Variants in AOAH observed in about 807,000 individuals in gnomAD.
AOAH encodes acyloxyacyl hydrolase.
A neutral mutation model predicts 92.2 loss-of-function variants in AOAH; 64 were observed. That is an observed-to-expected ratio of 0.69 (90% CI 0.57 to 0.86). The LOEUF (loss-of-function observed/expected upper bound fraction) is 0.86, where lower values mean the gene tolerates loss of function less well. AOAH is among the 40% of genes least tolerant of loss of function. The probability of loss-of-function intolerance (pLI) is 0.00; values close to 1 mark genes in which losing one functional copy is unlikely to be tolerated. For missense variants in AOAH, 656 were observed against 694.6 expected (o/e 0.94, Z 0.62); for synonymous variants, 263 against 254.5 (o/e 1.03, Z -0.32).
chr7:36,574,467 T>A (rs1164064024), intron 13 of AOAH, among the ~76,000 whole-genome samples: 1 of 152,212 alleles, frequency 6.6e-6, no homozygotes, highest in Non-Finnish European at 1.5e-5. Context: ...TTTTGGATTA[T>A]CTTACTCTGG....
chr7:36,620,017 G>T (rs868561351), intron 9 of AOAH, among the ~76,000 whole-genome samples: 2 of 152,118 alleles, frequency 1.3e-5, no homozygotes, highest in Middle Eastern at 6.8e-3. Context: ...GGAGAGGGGA[G>T]GCCAGAACAT....
At chr7:36,607,813 G>A (rs1190489556) in intron 11 of AOAH, among the ~76,000 whole-genome samples, 1 of 152,186 alleles carries the variant, frequency 6.6e-6, no homozygotes, top group Non-Finnish European at 1.5e-5. Flanking sequence ...GGAGGGAGAA[G>A]AGGTACAGTC....
At chr7:36,656,878 G>GC (rs1554306766) in intron 4 of AOAH, among the ~76,000 whole-genome samples, 4 of 58,326 alleles carry the variant, frequency 6.9e-5, no homozygotes, top group South Asian at 3.9e-4. Flanking sequence ...AAAGAGGTTT[G>GC]GTGGGGGGTG....
chr7:36,633,466 T>G (rs1793284432), intron 5 of AOAH, among the ~76,000 whole-genome samples: 1 of 152,024 alleles, frequency 6.6e-6, no homozygotes, highest in Non-Finnish European at 1.5e-5. Context: ...TTTAACAACG[T>G]CCCCAGGATG....
rs954462490 is a variant in AOAH at position 36,513,026 on chromosome 7, G to A, written c.*226C>T. 6.5e-7 allele frequency: 1 copy of A among 1,533,436 alleles called. No individual in the cohort carries two copies. The highest frequency in any genetic ancestry group is 1.4e-5 in the African/African-American group (1 of 72,970). 95.0% of individuals were successfully genotyped at this position (1,533,436 alleles called of 1,614,324 possible). A position where few individuals can be genotyped will look rare whatever the true frequency, so the allele number is the denominator to read the frequency against. ...TGGAATGGCACCCAAAGCACTTTATGAAAGGTTATTTCAGGAACAGCGGAA... is the reference window on the plus strand; with the variant it reads ...TGGAATGGCACCCAAAGCACTTTATAAAAGGTTATTTCAGGAACAGCGGAA... On this transcript the variant is annotated 3_prime_UTR_variant, in exon 21 of 21. Transcript: ENST00000617537.
At chr7:36,538,211 A>G (rs1363095201) in intron 16 of AOAH, among the ~76,000 whole-genome samples, 1 of 151,736 alleles carries the variant, frequency 6.6e-6, no homozygotes, top group Non-Finnish European at 1.5e-5. Context: ...TATTTTTAGA[A>G]GAGACGAGGT....
At position 36,616,298 on chromosome 7, in the gene AOAH, T is replaced by C. The variant is rs557828073; in HGVS notation, c.846+82A>G. 40 of 1,107,136 alleles carry C rather than the reference T, an allele frequency of 3.6e-5. No individual in the cohort carries two copies. The East Asian group carries it at 7.0e-4, about 19-fold the overall frequency. The allele number at this position is 1,107,136 out of a possible 1,614,324, so 68.6% of individuals were successfully genotyped here. Reference sequence around the variant, plus strand: ...GAGGGAAATTTGCACCTGTGTGGAGTTGGCATCCCATTTAGAGAGAGCAAG... The same window carrying C: ...GAGGGAAATTTGCACCTGTGTGGAGCTGGCATCCCATTTAGAGAGAGCAAG... On this transcript the variant is annotated intron_variant, in intron 11 of 20. Transcript: ENST00000617537.
At chr7:36,605,048 T>A (rs138697487) in intron 11 of AOAH, among the ~76,000 whole-genome samples, 1 of 152,294 alleles carries the variant, frequency 6.6e-6, no homozygotes, top group Non-Finnish European at 1.5e-5. Flanking sequence ...AATTAGGTCA[T>A]CACTAATGAC....
At chr7:36,549,357 G>T in intron 14 of AOAH, 82 bp downstream of exon 14, 2 of 1,061,952 alleles carry the variant, frequency 1.9e-6, no homozygotes, top group South Asian at 2.6e-5. Context: ...CAGTAAAAAT[G>T]ATTATGGGGT....
intron 1 of AOAH, among the ~76,000 whole-genome samples, chr7:36,710,889 G>C (rs1798725915): frequency 1.0e-5 from 1 of 99,588 alleles, no homozygotes; most frequent in African/African-American, 3.3e-5. Flanking sequence ...TCCTTGCTAT[G>C]TACCAAGCAC....
At chr7:36,679,298 A>ATG (rs2116707405) in intron 2 of AOAH, among the ~76,000 whole-genome samples, 1 of 151,108 alleles carries the variant, frequency 6.6e-6, no homozygotes, top group East Asian at 1.9e-4. Context: ...ATATATATAT[A>ATG]AAAAATAAAA....
intron 12 of AOAH, among the ~76,000 whole-genome samples, chr7:36,580,269 T>C (rs1290037824): frequency 6.6e-6 from 1 of 152,226 alleles, no homozygotes; most frequent in Non-Finnish European, 1.5e-5. Context: ...CCTATTTTCA[T>C]GTCATGGACC....
chr7:36,565,392 C>A (rs1210990773), intron 13 of AOAH, among the ~76,000 whole-genome samples: 1 of 152,220 alleles, frequency 6.6e-6, no homozygotes, highest in East Asian at 1.9e-4. Flanking sequence ...AAGGTGACTT[C>A]TTTGCTTCTT....
chr7:36,653,318 GT>G (rs1319331660), intron 4 of AOAH, among the ~76,000 whole-genome samples: 1 of 152,180 alleles, frequency 6.6e-6, no homozygotes, highest in Non-Finnish European at 1.5e-5. Context: ...ACCTGAGACA[GT>G]CTACTAAAAG....
chr7:36,649,079 C>T (rs556368543), intron 4 of AOAH, among the ~76,000 whole-genome samples: 3 of 152,270 alleles, frequency 2.0e-5, no homozygotes, highest in Non-Finnish European at 4.4e-5. Context: ...AATCAGTTGT[C>T]GTTGCCTTTT....
chr7:36,648,885 T>C (rs1462322268), intron 4 of AOAH, among the ~76,000 whole-genome samples: 1 of 152,218 alleles, frequency 6.6e-6, no homozygotes, highest in Non-Finnish European at 1.5e-5. Context: ...ATTTATCTCA[T>C]TGTTCATAAT....
At chr7:36,672,263 T>A (rs1795982436) in intron 3 of AOAH, among the ~76,000 whole-genome samples, 1 of 152,204 alleles carries the variant, frequency 6.6e-6, no homozygotes, top group Non-Finnish European at 1.5e-5. Context: ...TGTTGTAGAC[T>A]CTAGGCTACC....
At chr7:36,631,983 G>C in intron 6 of AOAH, 53 bp downstream of exon 6, 1 of 1,411,108 alleles carries the variant, frequency 7.1e-7, no homozygotes, top group Non-Finnish European at 9.8e-7. Context: ...AGGGGGACAA[G>C]CAAAGACGTT....
At chr7:36,714,384 A>T (rs1004288478) in intron 1 of AOAH, among the ~76,000 whole-genome samples, 5 of 152,234 alleles carry the variant, frequency 3.3e-5, no homozygotes, top group Admixed American at 6.5e-5. Context: ...TCACAGCCGA[A>T]TTCTACCAGA....
Sources: gnomAD v4.1 joint callset for allele counts (sites outside exome capture counted in the v4.1 genomes callset) on GRCh38, gnomAD v4.1.1 for gene constraint, MANE v1.5 for transcripts, NCBI Gene and HGNC (gene_info 2026-07-23, HGNC 2026-07-21) for gene names.